NPEPL1: variants seen among roughly 807,000 people sequenced by gnomAD.
NPEPL1 encodes the protein probable aminopeptidase NPEPL1.
NPEPL1 carries 45 observed loss-of-function variants against 52.4 expected under a neutral mutation model. The observed-to-expected ratio is 0.86, with a 90% CI of 0.68 to 1.10. The LOEUF is 1.10. Ranked by LOEUF, NPEPL1 falls within the 50% of genes least tolerant of loss-of-function variation. The pLI, the probability that NPEPL1 is intolerant of heterozygous loss-of-function variation, is 0.00. For synonymous variants in NPEPL1, 360 were observed against 314.7 expected (o/e 1.14, Z -1.52); for missense variants, 696 against 710.9 (o/e 0.98, Z 0.24).
At chr20:58,697,283 G>T (rs575197563) in intron 3 of NPEPL1, among the ~76,000 whole-genome samples, 1 of 152,234 alleles carries the variant, frequency 6.6e-6, no homozygotes, top group African/African-American at 2.4e-5. Context: ...GCGCTCTTGC[G>T]TCAGAGCCCC....
chr20:58,691,693 C>CTTTTCTTTTT, upstream of NPEPL1: 1 of 561,310 alleles, frequency 1.8e-6, no homozygotes. Context: ...TTTTTCTTTT[C>CTTTTCTTTTT]TTTTTTTTTT....
upstream of NPEPL1, among the ~76,000 whole-genome samples, chr20:58,689,469 C>T (rs556727911): frequency 6.6e-6 from 1 of 152,284 alleles, no homozygotes; most frequent in East Asian, 1.9e-4. Context: ...CCATGTTGGC[C>T]AGGCTGGTCT....
chr20:58,701,216 C>A, intron 6 of NPEPL1, 58 bp downstream of exon 6: 1 of 904,672 alleles, frequency 1.1e-6, no homozygotes. Flanking sequence ...AGGTGAGGTG[C>A]AGGGCCCGGC....
intron 6 of NPEPL1, among the ~76,000 whole-genome samples, chr20:58,701,857 C>T (rs961379671): frequency 1.2e-4 from 18 of 152,172 alleles, no homozygotes; most frequent in East Asian, 5.8e-4. Flanking sequence ...AAGCCTGTCC[C>T]GTGGTACGGC....
intron 7 of NPEPL1, among the ~76,000 whole-genome samples, chr20:58,707,452 G>A (rs2084759748): frequency 6.6e-6 from 1 of 152,256 alleles, no homozygotes. Flanking sequence ...CTTGGCTCCA[G>A]AGCCCCATGA....
intron 2 of NPEPL1, 67 bp from the exon 3 acceptor site, chr20:58,694,355 G>C: frequency 1.3e-6 from 2 of 1,494,334 alleles, no homozygotes; most frequent in Non-Finnish European, 1.8e-6. Flanking sequence ...GGCGTTCAAA[G>C]AGCAGCTCCC....
intron 5 of NPEPL1, among the ~76,000 whole-genome samples, chr20:58,699,611 C>G (rs1217518844): frequency 6.6e-6 from 1 of 152,252 alleles, no homozygotes; most frequent in East Asian, 1.9e-4. Context: ...CTTGAATACA[C>G]AAGTTCCCAT....
rs779016675 is a variant in NPEPL1 at position 58,693,933 on chromosome 20, C to T, written c.336+11C>T. 24 of 1,560,862 alleles carry T rather than the reference C, an allele frequency of 1.5e-5. No individual in the cohort carries two copies. Among genetic ancestry groups the T allele is most frequent in the East Asian group, 2.4e-5 (1 of 41,786 alleles). On this transcript the variant is annotated intron_variant, in intron 2 of 11. Transcript: ENST00000356091. ...CATCGCTGCATTGTGGTGAGTGCTT[C>T]GAGAGGAGGCAGCCACGGTGCTCCT...
intron 3 of NPEPL1, among the ~76,000 whole-genome samples, chr20:58,695,286 CTG>C (rs1189291090): frequency 7.9e-4 from 72 of 90,748 alleles, no homozygotes; most frequent in Non-Finnish European, 1.4e-4. Flanking sequence ...GTGTGTGTTG[CTG>C]TGTGTGTATG....
chr20:58,710,760 C>T (rs1028828146), intron 7 of NPEPL1: 6 of 152,448 alleles, frequency 3.9e-5, no homozygotes, highest in African/African-American at 1.4e-4. Context: ...TCAGCCGCTC[C>T]TGGTGATTGG....
Position 58,715,521 on chromosome 20 carries a change from G to C in NPEPL1, c.*195G>C. 1.8e-6 allele frequency: 1 copy of C among 560,714 alleles called. No individual in the cohort carries two copies. The highest frequency in any genetic ancestry group is 3.0e-6 in the Non-Finnish European group (1 of 329,716). The allele number at this position is 560,714 out of a possible 1,614,324, so 34.7% of individuals were successfully genotyped here. On this transcript the variant is annotated 3_prime_UTR_variant, in exon 12 of 12. Transcript: ENST00000356091. ...GGCCACGGGGAGGGGACCGGGAAGC[G>C]CTGGGGCTTGTTTCTGTTTGTTACT... is the stretch of plus-strand genomic sequence containing the variant.
upstream of NPEPL1, among the ~76,000 whole-genome samples, chr20:58,690,014 A>G (rs1165038367): frequency 1.3e-5 from 2 of 152,128 alleles, no homozygotes; most frequent in Non-Finnish European, 2.9e-5. Context: ...CCTCGTGGCA[A>G]TCAGCTGAGT....
chr20:58,701,956 C>T lies in NPEPL1; in HGVS notation c.822+798C>T, dbSNP rs550470265. Among the ~76,000 whole-genome samples the T allele has an allele frequency of 1.2e-4, 18 of 152,308 alleles. No homozygotes were observed. In the South Asian group the frequency reaches 2.5e-3, roughly 21 times the overall value. ...CGCCCCAGCAAGCCCTGCCCTCCTC[C>T]GCACCATCTCCATCCATTCATCCTA... On this transcript the variant is annotated intron_variant, in intron 6 of 11. Coordinates refer to ENST00000356091, the MANE Select transcript of NPEPL1 (RefSeq NM_024663.4).
intron 6 of NPEPL1, among the ~76,000 whole-genome samples, chr20:58,702,529 GTTTT>G (rs759314776): frequency 1.6e-4 from 25 of 152,168 alleles, no homozygotes; most frequent in South Asian, 6.2e-4. Flanking sequence ...CATAAAAAGG[GTTTT>G]TTGTTTTTTT....
chr20:58,700,030 C>T (rs1056414753), intron 5 of NPEPL1, among the ~76,000 whole-genome samples: 1 of 152,220 alleles, frequency 6.6e-6, no homozygotes, highest in Non-Finnish European at 1.5e-5. Context: ...CGATGTGCTT[C>T]CGGGCAGGCT....
intron 7 of NPEPL1, chr20:58,711,110 C>CTCTCCT (rs1330738959): frequency 7.0e-5 from 5 of 71,222 alleles, no homozygotes; most frequent in African/African-American, 5.9e-4. Flanking sequence ...CCTCCTCCCC[C>CTCTCCT]CCTCCTCCCC....
At chr20:58,707,715 T>TGGGGGGGGGGGG in intron 7 of NPEPL1, among the ~76,000 whole-genome samples, 1 of 39,560 alleles carries the variant, frequency 2.5e-5, no homozygotes, top group East Asian at 7.3e-4. Context: ...TCGGGGGGCG[T>TGGGGGGGGGGGG]GGGGGGGGTG....
intron 7 of NPEPL1, among the ~76,000 whole-genome samples, chr20:58,707,652 CTT>C (rs1366403944): frequency 7.0e-6 from 1 of 143,094 alleles, no homozygotes; most frequent in Admixed American, 7.1e-5. Context: ...CCCTTCCTCT[CTT>C]GCGTGGGCAG....
intron 3 of NPEPL1, among the ~76,000 whole-genome samples, chr20:58,695,181 GTGT>G (rs200084676): frequency 0.16 from 16,351 of 103,772 alleles, 1,574 homozygotes; most frequent in African/African-American, 0.33. Flanking sequence ...TGTGTGGTGT[GTGT>G]TGTTGTGTGT....
Sources: allele counts gnomAD v4.1 joint callset (sites outside exome capture counted in the v4.1 genomes callset), GRCh38; gene constraint gnomAD v4.1.1; transcripts MANE v1.5; gene names NCBI Gene and HGNC (gene_info 2026-07-23, HGNC 2026-07-21).